THAP11: variants seen among roughly 807,000 people sequenced by gnomAD.
THAP11 encodes THAP domain-containing protein 11.
Under a neutral mutation model 24.1 loss-of-function variants are expected in THAP11, and 8 were observed. The ratio of observed to expected loss-of-function variants is 0.33; its 90% CI spans 0.20 to 0.60. THAP11 has a LOEUF of 0.60. Among genes scored for constraint, THAP11 ranks in the 20% least tolerant of loss-of-function variants. THAP11 has a pLI of 0.82. For synonymous variants in THAP11, 222 were observed against 180.2 expected (o/e 1.23, Z -1.86); for missense variants, 276 against 418.4 (o/e 0.66, Z 2.97).
In THAP11 at chr16:67,842,826, C is replaced by A; in HGVS notation, c.272C>A (p.Ala91Glu). 2 of 1,609,990 alleles carry A rather than the reference C, an allele frequency of 1.2e-6. No individual in the cohort carries two copies. Among genetic ancestry groups the A allele is most frequent in the East Asian group, 2.2e-5 (1 of 44,774 alleles). Reference protein sequence around the residue: ...PLRGVNERKVARRPAGAAAAR... With the variant: ...PLRGVNERKVERRPAGAAAAR... ...CGCGGCGTCAATGAGCGCAAAGTAG[C>A]GCGCAGACCCGCTGGGGCCGCGGCC... is the stretch of plus-strand genomic sequence containing the variant. The change falls in exon 1 of 1, where the codon GCG becomes GAG. Residue 91 changes from alanine to glutamate, a missense_variant. Around this residue, in one of 3 missense-constraint regions of THAP11, gnomAD observed 210 missense variants for 203.4 expected, o/e 1.03. Transcript: ENST00000303596. The surrounding 1 kb of genome is among the most constrained non-coding windows in gnomAD (Gnocchi z 4.9).
At position 67,842,902 on chromosome 16, in the gene THAP11, ACAGCAGCAGCAG is replaced by A; in HGVS notation, c.354_365del (p.Gln129_Gln132del). 8 of 1,583,140 alleles carry A rather than the reference ACAGCAGCAGCAG, an allele frequency of 5.1e-6. No homozygotes were observed. The South Asian group carries it at 8.2e-5, about 16-fold the overall frequency. ...AGCAGCAGCAGCAGCAACAGCAGCA[ACAGCAGCAGCAG>A]CAGCAACAGCAGCAGCAGCAGCAGC... is the stretch of plus-strand genomic sequence containing the variant. On this transcript the variant is annotated inframe_deletion, in exon 1 of 1. Transcript: ENST00000303596. The surrounding 1 kb of genome is among the most constrained non-coding windows in gnomAD (Gnocchi z 4.9).
chr16:67,843,579 C>T lies in THAP11; in HGVS notation c.*80C>T. ...CAGGCCATTGTTGAACTCCTCTATACTCCTGGGCACTGGTTGACAGTACTG... is the reference window on the plus strand; with the variant it reads ...CAGGCCATTGTTGAACTCCTCTATATTCCTGGGCACTGGTTGACAGTACTG... On this transcript the variant is annotated 3_prime_UTR_variant, in exon 1 of 1. Coordinates refer to ENST00000303596, the MANE Select transcript of THAP11 (RefSeq NM_020457.3). The surrounding 1 kb of genome is among the most constrained non-coding windows in gnomAD (Gnocchi z 5.7). The T allele has an allele frequency of 7.2e-7, 1 of 1,395,044 alleles. No individual in the cohort carries two copies. Among genetic ancestry groups the T allele is most frequent in the Middle Eastern group, 2.2e-4 (1 of 4,618 alleles). 86.4% of individuals were successfully genotyped at this position (1,395,044 alleles called of 1,614,324 possible).
In THAP11 at chr16:67,843,365, A is replaced by G; in HGVS notation, c.811A>G (p.Met271Val). Reference protein sequence around the residue: ...LNEQRDILALMEVKMKEMKGS... With the variant: ...LNEQRDILALVEVKMKEMKGS... ...TGAGCAGCGGGACATCCTGGCTCTG[A>G]TGGAAGTGAAGATGAAAGAGATGAA... is the stretch of plus-strand genomic sequence containing the variant. Residue 271 changes from methionine to valine, a missense_variant, in exon 1 of 1, where the codon ATG becomes GTG. Physicochemically the swap from Met to Val is conservative, Grantham distance 21. Coordinates refer to ENST00000303596, the MANE Select transcript of THAP11 (RefSeq NM_020457.3). This position sits in a 1 kb window ranked among gnomAD's most constrained non-coding sequence, Gnocchi z 5.7. 6.2e-7 allele frequency: 1 copy of G among 1,613,996 alleles called. No homozygotes were observed. Among genetic ancestry groups the G allele is most frequent in the African/African-American group, 1.3e-5 (1 of 75,062 alleles).
rs2057774085 is a variant in THAP11, at chr16:67,842,920, A to AG, written c.366_367insG (p.Gln123AlafsTer117). The AG allele has an allele frequency of 3.0e-5, 48 of 1,579,814 alleles. No homozygotes were observed. Among genetic ancestry groups the AG allele is most frequent in the African/African-American group, 2.6e-4 (19 of 71,996 alleles). On this transcript the variant is annotated frameshift_variant, in exon 1 of 1. Transcript: ENST00000303596. LOFTEE classifies it high-confidence loss of function. The surrounding 1 kb of genome is among the most constrained non-coding windows in gnomAD (Gnocchi z 4.9). ...AGCAGCAACAGCAGCAGCAGCAGCA[A>AG]CAGCAGCAGCAGCAGCAGCAGCAGC...
At position 67,843,116 on chromosome 16, in the gene THAP11, A is replaced by G; in HGVS notation, c.562A>G (p.Ile188Val). The G allele has an allele frequency of 6.2e-7, 1 of 1,610,628 alleles. No individual in the cohort carries two copies. The highest frequency in any genetic ancestry group is 8.5e-7 in the Non-Finnish European group (1 of 1,179,822). The change falls in exon 1 of 1, where the codon ATC becomes GTC. Residue 188 changes from isoleucine to valine, a missense_variant. Ile to Val is a conservative substitution (Grantham distance 29, BLOSUM62 3). Around this residue, in one of 3 missense-constraint regions of THAP11, gnomAD observed 210 missense variants for 203.4 expected, o/e 1.03. Transcript: ENST00000303596. This position sits in a 1 kb window ranked among gnomAD's most constrained non-coding sequence, Gnocchi z 5.7. ...ITPTGEDVKP[I>V]DLTVQVEFAA... ...TCCCACTGGAGAAGACGTGAAGCCC[A>G]TCGATCTCACAGTGCAAGTGGAGTT...
chr16:67,842,356 GGCGGC>G lies in THAP11; in HGVS notation c.-189_-185del. On this transcript the variant is annotated 5_prime_UTR_variant, in exon 1 of 1. Transcript: ENST00000303596. The surrounding 1 kb of genome is among the most constrained non-coding windows in gnomAD (Gnocchi z 4.9). ...CCGAGCGCAGGCGGGCAGCCAGGCG[GGCGGC>G]GCGGCGCGGGCCGGCAGGAAGCGTA... The G allele has an allele frequency of 4.6e-6, 1 of 218,032 alleles. No homozygotes were observed. The highest frequency in any genetic ancestry group is 8.4e-6 in the Non-Finnish European group (1 of 118,668). The allele number at this position is 218,032 out of a possible 1,614,324, so 13.5% of individuals were successfully genotyped here. A position where few individuals can be genotyped will look rare whatever the true frequency, so the allele number is the denominator to read the frequency against.
Position 67,842,875 on chromosome 16 carries a change from A to ACAGCAGCAGCAGCAGCAGCAGCAGCAG in THAP11, c.338_339insGCAGCAGCAGCAGCAGCAGCAGCAGCA (p.Gln124_Gln132dup). The ACAGCAGCAGCAGCAGCAGCAGCAGCAG allele has an allele frequency of 6.3e-7, 1 of 1,597,574 alleles. No homozygotes were observed. The highest frequency in any genetic ancestry group is 1.3e-5 in the African/African-American group (1 of 74,262). On this transcript the variant is annotated inframe_insertion, in exon 1 of 1. Transcript: ENST00000303596. The surrounding 1 kb of genome is among the most constrained non-coding windows in gnomAD (Gnocchi z 4.9). ...CCGCCCGCCGCAGGCAGCAGCAGCA[A>ACAGCAGCAGCAGCAGCAGCAGCAGCAG]CAGCAGCAGCAGCAGCAACAGCAGC...
chr16:67,842,878 G>GCAGCAGCAGCAGCAA lies in THAP11; in HGVS notation c.333_347dup (p.Gln128_Gln132dup). ...CCCGCCGCAGGCAGCAGCAGCAACAGCAGCAGCAGCAGCAACAGCAGCAAC... is the reference window on the plus strand; with the variant it reads ...CCCGCCGCAGGCAGCAGCAGCAACAGCAGCAGCAGCAGCAACAGCAGCAGCAGCAACAGCAGCAAC... On this transcript the variant is annotated inframe_insertion, in exon 1 of 1. Coordinates refer to ENST00000303596, the MANE Select transcript of THAP11 (RefSeq NM_020457.3). The surrounding 1 kb of genome is among the most constrained non-coding windows in gnomAD (Gnocchi z 4.9). 1 of 1,592,950 alleles carries GCAGCAGCAGCAGCAA rather than the reference G, an allele frequency of 6.3e-7. No homozygotes were observed.
In THAP11 at chr16:67,842,466, G is replaced by T. The variant is rs1005802281; in HGVS notation, c.-89G>T. 13 of 1,091,100 alleles carry T rather than the reference G, an allele frequency of 1.2e-5. No homozygotes were observed. The highest frequency in any genetic ancestry group is 1.5e-5 in the Non-Finnish European group (13 of 860,684). 67.6% of individuals were successfully genotyped at this position (1,091,100 alleles called of 1,614,324 possible). On this transcript the variant is annotated 5_prime_UTR_variant, in exon 1 of 1. Coordinates refer to ENST00000303596, the MANE Select transcript of THAP11 (RefSeq NM_020457.3). This position sits in a 1 kb window ranked among gnomAD's most constrained non-coding sequence, Gnocchi z 4.9. ...ACCACCCAAGGCCTCGCGCGGCGCC[G>T]CCCGTCGAGGGGCGGGCGGCGGCGT... is the stretch of plus-strand genomic sequence containing the variant.
chr16:67,842,941 G>GCAA lies in THAP11; in HGVS notation c.389_390insACA (p.Gln132dup). 2 of 1,610,244 alleles carry GCAA rather than the reference G, an allele frequency of 1.2e-6. No individual in the cohort carries two copies. The highest frequency in any genetic ancestry group is 1.7e-6 in the Non-Finnish European group (2 of 1,179,280). On this transcript the variant is annotated inframe_insertion, in exon 1 of 1. Coordinates refer to ENST00000303596, the MANE Select transcript of THAP11 (RefSeq NM_020457.3). The surrounding 1 kb of genome is among the most constrained non-coding windows in gnomAD (Gnocchi z 4.9). ...AGCAACAGCAGCAGCAGCAGCAGCA[G>GCAA]CAGCAGCAGTCCTCACCCTCTGCCT...
chr16:67,843,142 T>C lies in THAP11; in HGVS notation c.588T>C (p.Phe196=), dbSNP rs2057776831. ...KPIDLTVQVE[F]AAAEGAAAAA... is the part of the protein sequence containing the mutation. ...TCGATCTCACAGTGCAAGTGGAGTT[T>C]GCAGCCGCAGAGGGCGCAGCCGCTG... Residue 196 remains phenylalanine, a synonymous_variant, in exon 1 of 1, where the codon TTT becomes TTC. Coordinates refer to ENST00000303596, the MANE Select transcript of THAP11 (RefSeq NM_020457.3). The surrounding 1 kb of genome is among the most constrained non-coding windows in gnomAD (Gnocchi z 5.7). 2 of 1,609,724 alleles carry C rather than the reference T, an allele frequency of 1.2e-6. No individual in the cohort carries two copies. Among genetic ancestry groups the C allele is most frequent in the Non-Finnish European group, 1.7e-6 (2 of 1,179,490 alleles).
chr16:67,842,873 C>T lies in THAP11; in HGVS notation c.319C>T (p.Gln107Ter). The T allele has an allele frequency of 6.2e-7, 1 of 1,603,816 alleles. No individual in the cohort carries two copies. Among genetic ancestry groups the T allele is most frequent in the Non-Finnish European group, 8.5e-7 (1 of 1,175,500 alleles). The change falls in exon 1 of 1, where the codon CAA (glutamine) becomes TAA (stop). Residue 107 changes from glutamine to a stop codon, truncating the protein, a stop_gained. Transcript: ENST00000303596. LOFTEE classifies it high-confidence loss of function. This position sits in a 1 kb window ranked among gnomAD's most constrained non-coding sequence, Gnocchi z 4.9. Reference sequence around the variant, plus strand: ...GGCCGCCCGCCGCAGGCAGCAGCAGCAACAGCAGCAGCAGCAGCAACAGCA... The same window carrying T: ...GGCCGCCCGCCGCAGGCAGCAGCAGTAACAGCAGCAGCAGCAGCAACAGCA... ...AAAARRRQQQ[Q>*]QQQQQQQQQQ...
In THAP11 at chr16:67,842,337, GCAGGCGGGCAGC is replaced by G. The variant is rs927899632; in HGVS notation, c.-208_-197del. On this transcript the variant is annotated 5_prime_UTR_variant, in exon 1 of 1. Coordinates refer to ENST00000303596, the MANE Select transcript of THAP11 (RefSeq NM_020457.3). The surrounding 1 kb of genome is among the most constrained non-coding windows in gnomAD (Gnocchi z 4.9). The stretch of plus-strand genomic sequence containing the variant: ...GCGTCCCCGGGGCCCACTCCCGAGC[GCAGGCGGGCAGC>G]CAGGCGGGCGGCGCGGCGCGGGCCG... The G allele has an allele frequency of 1.8e-4, 33 of 187,906 alleles. No homozygotes were observed. Among genetic ancestry groups the G allele is most frequent in the Non-Finnish European group, 3.3e-4 (31 of 94,142 alleles). 11.6% of individuals were successfully genotyped at this position (187,906 alleles called of 1,614,324 possible). A position where few individuals can be genotyped will look rare whatever the true frequency, so the allele number is the denominator to read the frequency against.
Sources: allele counts gnomAD v4.1 joint callset, GRCh38; gene constraint gnomAD v4.1.1; regional missense constraint gnomAD v4.1.1; non-coding constraint Gnocchi (gnomAD v3.1); transcripts MANE v1.5; gene names NCBI Gene and HGNC (gene_info 2026-07-23, HGNC 2026-07-21).